The following TOP6BL variants were observed in gnomAD, a reference collection of about 807,000 sequenced individuals.
TOP6BL encodes the protein TOP6B like initiator of meiotic double strand breaks.
chr11:66,801,840 A>G, the TOP6BL span, among the ~76,000 whole-genome samples: 1 of 152,174 alleles, frequency 6.6e-6, no homozygotes, highest in African/African-American at 2.4e-5. Flanking sequence ...AAAAAAAATA[A>G]ATAAATAAAA....
At chr11:66,766,830 C>G in the TOP6BL span, among the ~76,000 whole-genome samples, 1 of 152,060 alleles carries the variant, frequency 6.6e-6, no homozygotes, top group South Asian at 2.1e-4. Flanking sequence ...TTTGAGAGTT[C>G]CTCTGAAATA....
chr11:66,744,829 G>GGCA, the TOP6BL span: 3 of 1,323,270 alleles, frequency 2.3e-6, no homozygotes, highest in Non-Finnish European at 2.9e-6. Context: ...GGGCGGCGGC[G>GGCA]GCGGCGGCGG....
chr11:66,768,960 C>T, the TOP6BL span, among the ~76,000 whole-genome samples: 1 of 152,164 alleles, frequency 6.6e-6, no homozygotes, highest in Non-Finnish European at 1.5e-5. Flanking sequence ...GCTAACCTGC[C>T]TTGTACCTGG....
At chr11:66,812,865 G>A in the TOP6BL span, among the ~76,000 whole-genome samples, 2 of 152,292 alleles carry the variant, frequency 1.3e-5, no homozygotes, top group South Asian at 4.2e-4. Flanking sequence ...CTAGAGGCCA[G>A]GGATTCTGCT....
chr11:66,747,936 A>G, the TOP6BL span, among the ~76,000 whole-genome samples: 1 of 152,142 alleles, frequency 6.6e-6, no homozygotes. Flanking sequence ...GCACTCTTAA[A>G]TAGTATTCTG....
chr11:66,790,974 C>G, the TOP6BL span, among the ~76,000 whole-genome samples: 20 of 152,196 alleles, frequency 1.3e-4, no homozygotes, highest in Admixed American at 1.3e-3. Context: ...CTCAAGGGAA[C>G]AAGGATTTCC....
chr11:66,837,187 T>C, the TOP6BL span, among the ~76,000 whole-genome samples: 1 of 151,840 alleles, frequency 6.6e-6, no homozygotes, highest in African/African-American at 2.4e-5. Flanking sequence ...AGTGCAGTGG[T>C]GTGATCTTGG....
At chr11:66,828,215 C>A in the TOP6BL span, 1 of 1,327,568 alleles carries the variant, frequency 7.5e-7, no homozygotes, top group Non-Finnish European at 1.1e-6. Context: ...AACTTTCCCC[C>A]TTGGTTTCCA....
At chr11:66,794,344 T>A in the TOP6BL span, among the ~76,000 whole-genome samples, 6 of 152,172 alleles carry the variant, frequency 3.9e-5, 1 homozygote, top group East Asian at 1.2e-3. Context: ...GTTCTGCATT[T>A]TCTAGGAGAC....
the TOP6BL span, chr11:66,822,532 G>A: frequency 7.4e-7 from 1 of 1,354,382 alleles, no homozygotes; most frequent in Admixed American, 2.0e-5. Flanking sequence ...TGGGATTCAT[G>A]CAGTCTCCCC....
chr11:66,831,996 CAAAAAAAAAA>C, the TOP6BL span, among the ~76,000 whole-genome samples: 116 of 46,652 alleles, frequency 2.5e-3, 1 homozygote, highest in African/African-American at 9.4e-3. Flanking sequence ...GACTCTGTCT[CAAAAAAAAAA>C]AAAAAAAAAA....
At chr11:66,764,619 C>T in the TOP6BL span, among the ~76,000 whole-genome samples, 21 of 148,382 alleles carry the variant, frequency 1.4e-4, no homozygotes, top group South Asian at 4.1e-3. Flanking sequence ...AAGCTGAGAT[C>T]ATGCCACTGC....
chr11:66,835,555 T>C, the TOP6BL span, among the ~76,000 whole-genome samples: 3 of 152,184 alleles, frequency 2.0e-5, no homozygotes, highest in South Asian at 6.2e-4. Flanking sequence ...GCAGTACCTA[T>C]TCGCAGTGAG....
the TOP6BL span, among the ~76,000 whole-genome samples, chr11:66,801,336 G>A: frequency 9.2e-5 from 14 of 152,206 alleles, no homozygotes; most frequent in Middle Eastern, 3.4e-3. Flanking sequence ...TTCTCTTCAG[G>A]CCTTATTTTA....
chr11:66,771,026 G>T, the TOP6BL span, among the ~76,000 whole-genome samples: 1 of 151,944 alleles, frequency 6.6e-6, no homozygotes. Flanking sequence ...GGGTTGTTCA[G>T]TACTCTTATC....
chr11:66,765,249 A>G, the TOP6BL span, among the ~76,000 whole-genome samples: 1 of 152,250 alleles, frequency 6.6e-6, no homozygotes, highest in South Asian at 2.1e-4. Flanking sequence ...TACAAACTCT[A>G]GACAATTTTT....
the TOP6BL span, among the ~76,000 whole-genome samples, chr11:66,791,878 C>T: frequency 2.0e-5 from 3 of 149,006 alleles, no homozygotes; most frequent in South Asian, 2.1e-4. Context: ...AGTGTAGTGG[C>T]GCGATCTCAG....
At chr11:66,827,707 G>A in the TOP6BL span, among the ~76,000 whole-genome samples, 1 of 152,022 alleles carries the variant, frequency 6.6e-6, no homozygotes, top group Non-Finnish European at 1.5e-5. Flanking sequence ...GCTTACACCT[G>A]TAATCCTAGC....
chr11:66,765,977 G>A, the TOP6BL span, among the ~76,000 whole-genome samples: 1 of 152,124 alleles, frequency 6.6e-6, no homozygotes, highest in Non-Finnish European at 1.5e-5. Context: ...TAAGCTAATA[G>A]CAAACTGCTT....
Sources: gnomAD v4.1 joint callset for allele counts (sites outside exome capture counted in the v4.1 genomes callset) on GRCh38, gnomAD v4.1.1 for gene constraint, MANE v1.5 for transcripts, NCBI Gene and HGNC (gene_info 2026-07-23, HGNC 2026-07-21) for gene names.